WASL: variants seen among roughly 807,000 people sequenced by gnomAD.
WASL encodes actin nucleation-promoting factor WASL.
In WASL, 20 loss-of-function variants were observed where a neutral mutation model predicts 55.5. The ratio of observed to expected loss-of-function variants is 0.36; its 90% CI spans 0.25 to 0.52. The LOEUF (loss-of-function observed/expected upper bound fraction) is 0.52. WASL is among the 20% of genes least tolerant of loss of function. The pLI, the probability that WASL is intolerant of heterozygous loss-of-function variation, is 0.92. For missense variants in WASL, 504 were observed against 622.5 expected (o/e 0.81, Z 2.03); for synonymous variants, 249 against 217.6 (o/e 1.14, Z -1.27).
intron 10 of WASL, among the ~76,000 whole-genome samples, chr7:123,686,101 T>C (rs1803283763): frequency 6.6e-6 from 1 of 151,438 alleles, no homozygotes; most frequent in Non-Finnish European, 1.5e-5. Flanking sequence ...ACTGGAGCTC[T>C]AGTATTAGAA....
chr7:123,725,517 A>C (rs951968357), intron 1 of WASL, among the ~76,000 whole-genome samples: 19 of 152,274 alleles, frequency 1.2e-4, no homozygotes, highest in African/African-American at 1.9e-4. Context: ...TTAAAAAAAA[A>C]CAATTTCTTG....
At chr7:123,698,817 G>A (rs890122042) in intron 5 of WASL, among the ~76,000 whole-genome samples, 7 of 152,066 alleles carry the variant, frequency 4.6e-5, no homozygotes, top group African/African-American at 7.2e-5. Flanking sequence ...ATCAGATTTC[G>A]ACATTTATGT....
At position 123,689,302 on chromosome 7, in the gene WASL, C is replaced by T. The variant is rs550673471; in HGVS notation, c.1348-152G>A. 3.8e-4 allele frequency: 223 copies of T among 583,782 alleles called. 5 individuals are homozygous for T. The South Asian group carries it at 5.6e-3, about 15-fold the overall frequency. 36.2% of individuals were successfully genotyped at this position (583,782 alleles called of 1,614,324 possible). A position where few individuals can be genotyped will look rare whatever the true frequency, so the allele number is the denominator to read the frequency against. On this transcript the variant is annotated intron_variant, in intron 9 of 10. Transcript: ENST00000223023. ...CGCAGGACAAGATTAATCAAATTAA[C>T]AAGAAATAAACTGCTGCCTTAAAGA...
chr7:123,731,241 G>A (rs1428642029), intron 1 of WASL, among the ~76,000 whole-genome samples: 1 of 151,698 alleles, frequency 6.6e-6, no homozygotes, highest in Non-Finnish European at 1.5e-5. Flanking sequence ...ATGATAAAAG[G>A]GTCAATTATA....
At chr7:123,695,616 C>T (rs931377998) in intron 7 of WASL, among the ~76,000 whole-genome samples, 5 of 152,036 alleles carry the variant, frequency 3.3e-5, no homozygotes, top group Non-Finnish European at 5.9e-5. Flanking sequence ...AGCCAAGGTA[C>T]ACAAAACCTT....
chr7:123,702,056 T>C (rs1052218472), intron 5 of WASL, among the ~76,000 whole-genome samples: 2 of 151,852 alleles, frequency 1.3e-5, no homozygotes, highest in Non-Finnish European at 2.9e-5. Flanking sequence ...AAACTACATT[T>C]AATTCTTTTT....
At chr7:123,739,209 T>C (rs1184020539) in intron 1 of WASL, among the ~76,000 whole-genome samples, 1 of 152,246 alleles carries the variant, frequency 6.6e-6, no homozygotes, top group Non-Finnish European at 1.5e-5. Context: ...AGTTCAATCC[T>C]TAAGACTTGA....
At chr7:123,727,824 G>A (rs1273343003) in intron 1 of WASL, among the ~76,000 whole-genome samples, 5 of 152,014 alleles carry the variant, frequency 3.3e-5, no homozygotes, top group Non-Finnish European at 7.4e-5. Flanking sequence ...AAATTATACC[G>A]TAATTTCTTA....
Position 123,683,819 on chromosome 7 carries a change from A to C in WASL, c.*700T>G, listed in dbSNP as rs1803241261. The stretch of plus-strand genomic sequence containing the variant: ...AGCCTGTCACATTTGCTACAGCATA[A>C]AAATAACCCCAGTCAATAACAAGTA... On this transcript the variant is annotated 3_prime_UTR_variant, in exon 11 of 11. Coordinates refer to ENST00000223023, the MANE Select transcript of WASL (RefSeq NM_003941.4). 2 of 152,020 alleles carry C rather than the reference A, an allele frequency of 1.3e-5. No homozygotes were observed. The highest frequency in any genetic ancestry group is 4.8e-5 in the African/African-American group (2 of 41,420). The allele number at this position is 152,020 out of a possible 1,614,324, so 9.4% of individuals were successfully genotyped here. A position where few individuals can be genotyped will look rare whatever the true frequency, so the allele number is the denominator to read the frequency against.
rs577789120 is a variant in WASL, at chr7:123,735,232, T to C, written c.117+13386A>G. Among the ~76,000 whole-genome samples the C allele has an allele frequency of 7.9e-5, 12 of 151,718 alleles. No individual in the cohort carries two copies. The South Asian group carries it at 1.3e-3, about 16-fold the overall frequency. On this transcript the variant is annotated intron_variant, in intron 1 of 10. Transcript: ENST00000223023. ...TGTAAAGAGCACACAAAAGAGCAGG[T>C]TGCTATTAAAACAGATCAATTAGCA...
intron 1 of WASL, among the ~76,000 whole-genome samples, chr7:123,733,020 G>A (rs1804166800): frequency 6.6e-6 from 1 of 152,088 alleles, no homozygotes; most frequent in South Asian, 2.1e-4. Flanking sequence ...TCCTCAACTT[G>A]ATAAAGCATT....
intron 1 of WASL, among the ~76,000 whole-genome samples, chr7:123,712,889 T>C (rs1398530523): frequency 6.6e-6 from 1 of 152,172 alleles, no homozygotes. Flanking sequence ...TCCTTTCACA[T>C]TTTCAGAACA....
chr7:123,713,753 C>T (rs1405549906), intron 1 of WASL, among the ~76,000 whole-genome samples: 1 of 152,130 alleles, frequency 6.6e-6, no homozygotes, highest in Non-Finnish European at 1.5e-5. Context: ...ATACAGTTGG[C>T]CCTTGAACAA....
At chr7:123,697,777 G>A (rs1162161981) in intron 5 of WASL, among the ~76,000 whole-genome samples, 1 of 152,192 alleles carries the variant, frequency 6.6e-6, no homozygotes, top group Non-Finnish European at 1.5e-5. Flanking sequence ...TTTCAAGAGG[G>A]TTCCCACTAT....
At chr7:123,714,465 A>G (rs1222025842) in intron 1 of WASL, among the ~76,000 whole-genome samples, 1 of 152,214 alleles carries the variant, frequency 6.6e-6, no homozygotes, top group Non-Finnish European at 1.5e-5. Flanking sequence ...GAAGGAGGAA[A>G]ACCACAAAAG....
chr7:123,732,953 T>A (rs934685594), intron 1 of WASL, among the ~76,000 whole-genome samples: 1 of 152,064 alleles, frequency 6.6e-6, no homozygotes. Flanking sequence ...TATGAACAGA[T>A]ACAGTAAAAG....
rs1308805897 is a variant in WASL at position 123,683,104 on chromosome 7, G to C, written c.*1415C>G. On this transcript the variant is annotated 3_prime_UTR_variant, in exon 11 of 11. Coordinates refer to ENST00000223023, the MANE Select transcript of WASL (RefSeq NM_003941.4). ...TTTGGTTGGTACAATTCTAGATAGC[G>C]TAATTTTTAGTTGGATATTGTGACT... 1.3e-5 allele frequency: 2 copies of C among 152,056 alleles called. No individual in the cohort carries two copies. Among genetic ancestry groups the C allele is most frequent in the African/African-American group, 2.4e-5 (1 of 41,456 alleles). The allele number at this position is 152,056 out of a possible 1,614,324, so 9.4% of individuals were successfully genotyped here.
chr7:123,706,470 C>T (rs957020553), intron 3 of WASL, 97 bp from the exon 4 acceptor site: 9 of 1,197,022 alleles, frequency 7.5e-6, no homozygotes, highest in African/African-American at 3.1e-5. Context: ...TTCTAAAGAA[C>T]GAAAGGTTAA....
chr7:123,748,398 C>T (rs527416857), intron 1 of WASL, among the ~76,000 whole-genome samples: 2 of 152,122 alleles, frequency 1.3e-5, no homozygotes, highest in African/African-American at 2.4e-5. Context: ...GGTGACACTC[C>T]CTTATTCTCC....
Sources: gnomAD v4.1 joint callset for allele counts (sites outside exome capture counted in the v4.1 genomes callset) on GRCh38, gnomAD v4.1.1 for gene constraint, MANE v1.5 for transcripts, NCBI Gene and HGNC (gene_info 2026-07-23, HGNC 2026-07-21) for gene names.